PIK3R2: variants seen among roughly 807,000 people sequenced by gnomAD.
PIK3R2 encodes phosphatidylinositol 3-kinase regulatory subunit beta.
A neutral mutation model predicts 78.5 loss-of-function variants in PIK3R2; 40 were observed. The observed-to-expected ratio is 0.51, with a 90% CI of 0.40 to 0.66. The LOEUF (loss-of-function observed/expected upper bound fraction) is 0.66, where lower values mean the gene tolerates loss of function less well. Among genes scored for constraint, PIK3R2 ranks in the 30% least tolerant of loss-of-function variants. The pLI is 0.00. For missense variants in PIK3R2, 880 were observed against 1,026.6 expected (o/e 0.86, Z 1.95); for synonymous variants, 473 against 457.7 (o/e 1.03, Z -0.43).
Position 18,160,933 on chromosome 19 carries a change from T to C in PIK3R2, c.430T>C (p.Ser144Pro). 1 of 1,611,234 alleles carries C rather than the reference T, an allele frequency of 6.2e-7. No homozygotes were observed. The highest frequency in any genetic ancestry group is 8.5e-7 in the Non-Finnish European group (1 of 1,179,248). ...TTCACCCCCAGGGCTGGACAGCGAA[T>C]CTCACTACCGCCCGGAGCTGCCCGC... ...AIERTGLDSE[S>P]HYRPELPAPR... Residue 144 changes from serine to proline, a missense_variant, in exon 4 of 16, where the codon TCT (serine) becomes CCT (proline). Around this residue, in one of 3 missense-constraint regions of PIK3R2, gnomAD observed 456 missense variants for 486.6 expected, o/e 0.94. Coordinates refer to ENST00000222254, the MANE Select transcript of PIK3R2 (RefSeq NM_005027.4).
chr19:18,154,448 C>T (rs570160660), intron 1 of PIK3R2, among the ~76,000 whole-genome samples: 141 of 152,272 alleles, frequency 9.3e-4, no homozygotes, highest in African/African-American at 3.0e-3. Flanking sequence ...CCTGCCAGCC[C>T]ACTCACTCCT....
intron 3 of PIK3R2, 147 bp downstream of exon 3, chr19:18,160,710 C>A: frequency 1.1e-6 from 1 of 875,048 alleles, no homozygotes; most frequent in Non-Finnish European, 1.8e-6. Flanking sequence ...GAATAGGGCA[C>A]AGAGTGACTC....
Position 18,169,276 on chromosome 19 carries a change from G to T in PIK3R2, c.2169G>T (p.Pro723=), listed in dbSNP as rs958594898. The T allele has an allele frequency of 6.6e-7, 1 of 1,506,606 alleles. No homozygotes were observed. The allele number at this position is 1,506,606 out of a possible 1,614,324, so 93.3% of individuals were successfully genotyped here. A position where few individuals can be genotyped will look rare whatever the true frequency, so the allele number is the denominator to read the frequency against. Reference sequence around the variant, plus strand: ...CAGTGCGCGCCCCGGGCCCCGGCCCGCCGCCTGCCGCCCGCTGAGCACCGA... The same window carrying T: ...CAGTGCGCGCCCCGGGCCCCGGCCCTCCGCCTGCCGCCCGCTGAGCACCGA... ...AHPVRAPGPG[P]PPAAR The change falls in exon 16 of 16, where the codon CCG becomes CCT. Residue 723 remains proline, a synonymous_variant. Coordinates refer to ENST00000222254, the MANE Select transcript of PIK3R2 (RefSeq NM_005027.4).
chr19:18,158,507 C>A (rs1012120039), intron 2 of PIK3R2, among the ~76,000 whole-genome samples: 107 of 142,770 alleles, frequency 7.5e-4, no homozygotes, highest in African/African-American at 1.7e-3. Flanking sequence ...ACAACAACAA[C>A]AACAACAACA....
Position 18,169,974 on chromosome 19 carries a change from C to G in PIK3R2, c.*680C>G, listed in dbSNP as rs1187654382. On this transcript the variant is annotated 3_prime_UTR_variant, in exon 16 of 16. Coordinates refer to ENST00000222254, the MANE Select transcript of PIK3R2 (RefSeq NM_005027.4). ...CTGTAATCCCAGCACTTTGGGAGGC[C>G]AAGACGGGCGGATCTTTTGAGGTCG... 1.1e-5 allele frequency: 2 copies of G among 179,846 alleles called. No individual in the cohort carries two copies. The highest frequency in any genetic ancestry group is 4.7e-5 in the African/African-American group (2 of 42,362). 11.1% of individuals were successfully genotyped at this position (179,846 alleles called of 1,614,324 possible). A position where few individuals can be genotyped will look rare whatever the true frequency, so the allele number is the denominator to read the frequency against.
chr19:18,162,534 CG>C, intron 9 of PIK3R2, 28 bp downstream of exon 9: 1 of 1,586,644 alleles, frequency 6.3e-7, no homozygotes, highest in East Asian at 2.2e-5. Context: ...CAAGGATAAC[CG>C]GGGGTCACAG....
In PIK3R2 at chr19:18,162,501, C is replaced by T. The variant is rs551874555; in HGVS notation, c.1104C>T (p.Thr368=). ...AGATCCAGGGCGAGTACACGCTGAC[C>T]CTCAGGTGGGGGCCTGTCCCTGCAA... ...SSKIQGEYTL[T]LRKGGNNKLI... Residue 368 remains threonine (T), a synonymous_variant, in exon 9 of 16, where the codon ACC becomes ACT. Coordinates refer to ENST00000222254, the MANE Select transcript of PIK3R2 (RefSeq NM_005027.4). 1.5e-4 allele frequency: 234 copies of T among 1,612,646 alleles called. 1 individual carries two copies. Among genetic ancestry groups the T allele is most frequent in the Admixed American group, 8.8e-4 (53 of 59,994 alleles).
chr19:18,156,977 G>C lies in PIK3R2; in HGVS notation c.322+776G>C, dbSNP rs1199886544. ...AGGTGCTGCATGCTCGGCATGGTCT[G>C]CTCCGACCCTCCCAGCAGCCCAGCA... On this transcript the variant is annotated intron_variant, in intron 2 of 15. Transcript: ENST00000222254. This position sits in a 1 kb window ranked among gnomAD's most constrained non-coding sequence, Gnocchi z 4.2. 6.6e-6 allele frequency among the ~76,000 whole-genome samples: 1 copy of C among 152,180 alleles called. No individual in the cohort carries two copies. The highest frequency in any genetic ancestry group is 1.9e-4 in the East Asian group (1 of 5,188).
rs1172354675 is a variant in PIK3R2 at position 18,167,299 on chromosome 19, T to C, written c.1729T>C (p.Tyr577His). 3.8e-6 allele frequency: 6 copies of C among 1,586,002 alleles called. No homozygotes were observed. Among genetic ancestry groups the C allele is most frequent in the Non-Finnish European group, 5.1e-6 (6 of 1,167,126 alleles). Reference protein sequence around the residue: ...LMQLRKIRDQYLVWLTQKGAR... With the variant: ...LMQLRKIRDQHLVWLTQKGAR... ...GCAGCTGCGCAAGATCCGAGACCAG[T>C]ACCTCGTGTAAGTGGCGGCTCCATA... Residue 577 changes from tyrosine (Y) to histidine (H), a missense_variant, in exon 13 of 16, where the codon TAC becomes CAC. Tyr to His is a moderately conservative substitution (Grantham distance 83). Coordinates refer to ENST00000222254, the MANE Select transcript of PIK3R2 (RefSeq NM_005027.4). This position sits in a 1 kb window ranked among gnomAD's most constrained non-coding sequence, Gnocchi z 4.5.
Position 18,170,324 on chromosome 19 carries a change from C to T in PIK3R2, c.*1030C>T, listed in dbSNP as rs1486880792. 1 of 152,240 alleles carries T rather than the reference C, an allele frequency of 6.6e-6. No homozygotes were observed. Among genetic ancestry groups the T allele is most frequent in the Non-Finnish European group, 1.5e-5 (1 of 68,042 alleles). 9.4% of individuals were successfully genotyped at this position (152,240 alleles called of 1,614,324 possible). On this transcript the variant is annotated 3_prime_UTR_variant, in exon 16 of 16. Transcript: ENST00000222254. ...TTGCGACACTGCCCACGGCCCCTCC[C>T]TCTGATGCAGATTCAGGGCTTCTCT... is the stretch of plus-strand genomic sequence containing the variant.
rs199501065 is a variant in PIK3R2, at chr19:18,168,709, A to G, written c.1809-17A>G. The G allele has an allele frequency of 1.1e-4, 108 of 1,005,336 alleles. No homozygotes were observed. In the African/African-American group the frequency reaches 1.5e-3, roughly 14 times the overall value. 62.3% of individuals were successfully genotyped at this position (1,005,336 alleles called of 1,614,324 possible). Reference sequence around the variant, plus strand: ...GTGAGTGACCAGGGCCCTCCCCGCCACCGCCCCCCACCCCAGCCAGTACGC... The same window carrying G: ...GTGAGTGACCAGGGCCCTCCCCGCCGCCGCCCCCCACCCCAGCCAGTACGC... On this transcript the variant is annotated splice_polypyrimidine_tract_variant and intron_variant, in intron 14 of 15. Coordinates refer to ENST00000222254, the MANE Select transcript of PIK3R2 (RefSeq NM_005027.4). The surrounding 1 kb of genome is among the most constrained non-coding windows in gnomAD (Gnocchi z 4.1).
chr19:18,159,251 A>G (rs536829080), intron 2 of PIK3R2, among the ~76,000 whole-genome samples: 1 of 147,444 alleles, frequency 6.8e-6, no homozygotes, highest in Non-Finnish European at 1.5e-5. Context: ...TTGGCCTCCC[A>G]AAGTGTTGAG....
rs898713613 is a variant in PIK3R2 at position 18,162,734 on chromosome 19, A to T, written c.1109+228A>T. 7.1e-5 allele frequency: 43 copies of T among 602,786 alleles called. No homozygotes were observed. In the Middle Eastern group the frequency reaches 3.1e-3, roughly 43 times the overall value. 37.3% of individuals were successfully genotyped at this position (602,786 alleles called of 1,614,324 possible). On this transcript the variant is annotated intron_variant, in intron 9 of 15. Coordinates refer to ENST00000222254, the MANE Select transcript of PIK3R2 (RefSeq NM_005027.4). ...CCCCGTCTCTACTAAAAAATTAAAA[A>T]AAAAAATTAGCCAGGCATGGTGATG...
chr19:18,158,669 A>G lies in PIK3R2; in HGVS notation c.323-1802A>G, dbSNP rs548023239. 1.0e-3 allele frequency among the ~76,000 whole-genome samples: 152 copies of G among 152,212 alleles called. 1 individual carries two copies. Among genetic ancestry groups the G allele is most frequent in the Middle Eastern group, 6.8e-3 (2 of 294 alleles). On this transcript the variant is annotated intron_variant, in intron 2 of 15. Transcript: ENST00000222254. The stretch of plus-strand genomic sequence containing the variant: ...AGGCAATGTCATTGGCCCATTTTTC[A>G]TTTGAAGGAACTGAGGCCCAGAGAG...
At chr19:18,155,303 C>T (rs1436118646) in intron 1 of PIK3R2, among the ~76,000 whole-genome samples, 154 bp from the exon 2 acceptor site, 1 of 152,162 alleles carries the variant, frequency 6.6e-6, no homozygotes, top group Non-Finnish European at 1.5e-5. Context: ...TCAGTATACC[C>T]ATTTTACAGA....
rs913264658 is a variant in PIK3R2 at position 18,161,036 on chromosome 19, G to A, written c.467-18G>A. The A allele has an allele frequency of 6.2e-7, 1 of 1,611,308 alleles. No homozygotes were observed. Among genetic ancestry groups the A allele is most frequent in the Non-Finnish European group, 8.5e-7 (1 of 1,179,198 alleles). ...CCCAGTACACATGAGTTGGACGTGT[G>A]CCCCCCTGCACCCGCAGACTGGTCC... is the stretch of plus-strand genomic sequence containing the variant. On this transcript the variant is annotated intron_variant, in intron 4 of 15. Transcript: ENST00000222254. The surrounding 1 kb of genome is among the most constrained non-coding windows in gnomAD (Gnocchi z 5.3).
rs57543686 is a variant in PIK3R2 at position 18,159,144 on chromosome 19, C to CTTTTTTTTTTTTTTTTTTTTTTTTTTTT, written c.323-1308_323-1307insTTTTTTTTTTTTTTTTTTTTTTTTTTTT. On this transcript the variant is annotated intron_variant, in intron 2 of 15. Transcript: ENST00000222254. ...GGAGTGAGCCACTGCGCCTGGCCTCCTTTTTTTTTTTTTTTTTTTAAATTA... is the reference window on the plus strand; with the variant it reads ...GGAGTGAGCCACTGCGCCTGGCCTCCTTTTTTTTTTTTTTTTTTTTTTTTTTTTTTTTTTTTTTTTTTTTTTTAAATTA... 4.0e-5 allele frequency among the ~76,000 whole-genome samples: 2 copies of CTTTTTTTTTTTTTTTTTTTTTTTTTTTT among 50,054 alleles called. 1 individual carries two copies. Among genetic ancestry groups the CTTTTTTTTTTTTTTTTTTTTTTTTTTTT allele is most frequent in the Non-Finnish European group, 6.9e-5 (2 of 29,006 alleles). 32.8% of individuals were successfully genotyped at this position (50,054 alleles called of 152,430 possible).
chr19:18,166,028 G>A lies in PIK3R2; in HGVS notation c.1417-132G>A, dbSNP rs939516636. On this transcript the variant is annotated intron_variant, in intron 11 of 15. Coordinates refer to ENST00000222254, the MANE Select transcript of PIK3R2 (RefSeq NM_005027.4). ...TAGGAGTTCATTTGGTGCAGCAGGC[G>A]TTAGAAGAATGACACTCTGATAGAG... The A allele has an allele frequency of 6.4e-5, 73 of 1,141,620 alleles. No individual in the cohort carries two copies. In the African/African-American group the frequency reaches 8.0e-4, roughly 13 times the overall value. The allele number at this position is 1,141,620 out of a possible 1,614,324, so 70.7% of individuals were successfully genotyped here. A position where few individuals can be genotyped will look rare whatever the true frequency, so the allele number is the denominator to read the frequency against.
chr19:18,154,988 C>T (rs1269174845), intron 1 of PIK3R2, among the ~76,000 whole-genome samples: 1 of 151,482 alleles, frequency 6.6e-6, no homozygotes, highest in Admixed American at 6.6e-5. Context: ...CCAAGGCGAG[C>T]AGATCACTTG....
Sources: allele counts gnomAD v4.1 joint callset (sites outside exome capture counted in the v4.1 genomes callset), GRCh38; gene constraint gnomAD v4.1.1; regional missense constraint gnomAD v4.1.1; non-coding constraint Gnocchi (gnomAD v3.1); transcripts MANE v1.5; gene names NCBI Gene and HGNC (gene_info 2026-07-23, HGNC 2026-07-21).